BTAF1: variants seen among roughly 807,000 people sequenced by gnomAD.
BTAF1 encodes TATA-binding protein-associated factor 172.
A neutral mutation model predicts 227.1 loss-of-function variants in BTAF1; 38 were observed. The ratio of observed to expected loss-of-function variants is 0.17; its 90% CI spans 0.13 to 0.22. The LOEUF (loss-of-function observed/expected upper bound fraction) is 0.22, where lower values mean the gene tolerates loss of function less well. Ranked by LOEUF, BTAF1 falls within the 10% of genes least tolerant of loss-of-function variation. The pLI, the probability that BTAF1 is intolerant of heterozygous loss-of-function variation, is 1.00. For missense variants in BTAF1, 1,598 were observed against 2,204.0 expected (o/e 0.73, Z 5.51); for synonymous variants, 742 against 751.9 (o/e 0.99, Z 0.21).
At chr10:91,981,566 A>T (rs544387178) in intron 15 of BTAF1, 77 bp from the exon 16 acceptor site, 14 of 1,408,968 alleles carry the variant, frequency 9.9e-6, no homozygotes, top group Middle Eastern at 1.9e-4. Context: ...AAAAAACCTC[A>T]GTATTCCTAA....
intron 33 of BTAF1, among the ~76,000 whole-genome samples, chr10:92,016,838 A>C (rs1389387178): frequency 6.6e-6 from 1 of 152,216 alleles, no homozygotes; most frequent in East Asian, 1.9e-4. Context: ...GGAATAATAA[A>C]ATACGGATCT....
intron 6 of BTAF1, 41 bp downstream of exon 6, chr10:91,953,914 C>G: frequency 6.2e-7 from 1 of 1,605,976 alleles, no homozygotes; most frequent in Non-Finnish European, 8.5e-7. Flanking sequence ...AACAAGAGGG[C>G]TCTGTGGCTT....
intron 1 of BTAF1, among the ~76,000 whole-genome samples, chr10:91,929,964 A>G (rs1844163244): frequency 6.6e-6 from 1 of 152,218 alleles, no homozygotes; most frequent in Non-Finnish European, 1.5e-5. Flanking sequence ...AAAAAGTAGA[A>G]GAGGCATTAA....
At chr10:91,982,494 A>G (rs1848136323) in intron 17 of BTAF1, 93 bp from the exon 18 acceptor site, 1 of 1,431,048 alleles carries the variant, frequency 7.0e-7, no homozygotes, top group Non-Finnish European at 9.3e-7. Context: ...TTTTGCTTCA[A>G]GTAATTATAG....
intron 25 of BTAF1, among the ~76,000 whole-genome samples, chr10:92,003,975 G>A (rs1849717979): frequency 6.6e-6 from 1 of 151,672 alleles, no homozygotes; most frequent in Admixed American, 6.6e-5. Context: ...GTTTTAATTT[G>A]TGTTTCCCTG....
rs112721454 is a variant in BTAF1, at chr10:91,992,317, G to GTT, written c.3045+22_3045+23dup. The GTT allele has an allele frequency of 4.8e-3, 6,734 of 1,389,002 alleles. No homozygotes were observed. The highest frequency in any genetic ancestry group is 0.015 in the South Asian group (994 of 65,978). 86.0% of individuals were successfully genotyped at this position (1,389,002 alleles called of 1,614,324 possible). On this transcript the variant is annotated intron_variant, in intron 21 of 37. Coordinates refer to ENST00000265990, the MANE Select transcript of BTAF1 (RefSeq NM_003972.3). ...CTTGTTGAACTTGATGAGGTAAGTA[G>GTT]TTTTTTTTTTTTTTTAATGCTTTGA...
intron 6 of BTAF1, among the ~76,000 whole-genome samples, chr10:91,955,203 T>G (rs529381580): frequency 2.0e-5 from 3 of 152,340 alleles, no homozygotes; most frequent in Non-Finnish European, 2.9e-5. Flanking sequence ...TTCTACTGGT[T>G]TTTATTCATA....
chr10:91,976,899 A>G (rs1187828449), intron 14 of BTAF1, among the ~76,000 whole-genome samples: 2 of 152,196 alleles, frequency 1.3e-5, no homozygotes, highest in Non-Finnish European at 2.9e-5. Context: ...ATAATTAAAC[A>G]AGAATAACTT....
At chr10:91,953,225 G>A (rs893447951) in intron 5 of BTAF1, among the ~76,000 whole-genome samples, 5 of 152,194 alleles carry the variant, frequency 3.3e-5, no homozygotes, top group African/African-American at 1.2e-4. Context: ...AGACTTTATA[G>A]TGTCTTCTGT....
chr10:92,027,105 T>C (rs1343022387), intron 36 of BTAF1, 25 bp from the exon 37 acceptor site: 1 of 1,596,918 alleles, frequency 6.3e-7, no homozygotes, highest in Non-Finnish European at 8.5e-7. Context: ...TGTGTTACGG[T>C]TGCTTAACTG....
intron 23 of BTAF1, 33 bp from the exon 24 acceptor site, chr10:91,996,336 T>A (rs1341345031): frequency 6.3e-7 from 1 of 1,581,758 alleles, no homozygotes; most frequent in South Asian, 1.1e-5. Flanking sequence ...TATTTCCTAA[T>A]AATTCTAATT....
intron 14 of BTAF1, among the ~76,000 whole-genome samples, chr10:91,972,476 T>G (rs879312209): frequency 1.1e-4 from 16 of 152,172 alleles, no homozygotes; most frequent in African/African-American, 2.7e-4. Flanking sequence ...CGACAAAGCA[T>G]TTCCAACTTC....
intron 4 of BTAF1, among the ~76,000 whole-genome samples, chr10:91,946,440 G>T (rs1338431050): frequency 6.6e-6 from 1 of 152,178 alleles, no homozygotes. Context: ...ATTTCCCTCA[G>T]GTAGATACCT....
chr10:91,997,234 G>C, intron 24 of BTAF1: 1 of 989,362 alleles, frequency 1.0e-6, no homozygotes, highest in Non-Finnish European at 1.4e-6. Context: ...ATTAATCTTT[G>C]AGTGACACTC....
chr10:91,939,699 A>G (rs751118393), intron 2 of BTAF1, among the ~76,000 whole-genome samples: 2 of 152,158 alleles, frequency 1.3e-5, no homozygotes, highest in Non-Finnish European at 2.9e-5. Flanking sequence ...CGGTCTCCCA[A>G]AGTGCTGGGA....
intron 32 of BTAF1, 105 bp from the exon 33 acceptor site, chr10:92,016,235 A>G: frequency 1.5e-6 from 2 of 1,344,846 alleles, no homozygotes; most frequent in Non-Finnish European, 1.0e-6. Context: ...TTCATTAATG[A>G]GGGCTGATTT....
Position 91,935,428 on chromosome 10 carries a change from T to C in BTAF1, c.15-229T>C, listed in dbSNP as rs569526198. On this transcript the variant is annotated intron_variant, in intron 1 of 37. Transcript: ENST00000265990. Reference sequence around the variant, plus strand: ...CTTCCCAGCTGCTAGTAACCACTTATTCTACTCTTGACTTCTCTGAGATCG... The same window carrying C: ...CTTCCCAGCTGCTAGTAACCACTTACTCTACTCTTGACTTCTCTGAGATCG... Among the ~76,000 whole-genome samples, 4 of 152,338 alleles carry C rather than the reference T, an allele frequency of 2.6e-5. No individual in the cohort carries two copies. In the East Asian group the frequency reaches 5.8e-4, roughly 22 times the overall value.
In BTAF1 at chr10:92,028,811, G is replaced by A; in HGVS notation, c.5428G>A (p.Asp1810Asn). ...LDKDGKAEKA[D>N]TSTSGKASMK... ...TAAGGATGGCAAAGCAGAAAAAGCT[G>A]ACACCTCTACTTCTGGGAAAGCAAG... Residue 1810 changes from aspartate to asparagine, a missense_variant, in exon 38 of 38, where the codon GAC becomes AAC. Asp to Asn is a conservative substitution (Grantham distance 23). Coordinates refer to ENST00000265990, the MANE Select transcript of BTAF1 (RefSeq NM_003972.3). The A allele has an allele frequency of 6.3e-7, 1 of 1,592,214 alleles. No homozygotes were observed. The highest frequency in any genetic ancestry group is 8.5e-7 in the Non-Finnish European group (1 of 1,173,160).
intron 30 of BTAF1, among the ~76,000 whole-genome samples, chr10:92,011,681 ACT>A (rs1414216622): frequency 3.9e-5 from 6 of 152,262 alleles, no homozygotes; most frequent in African/African-American, 1.4e-4. Context: ...TAAAAATCAG[ACT>A]CTACTCCACA....
Sources: allele counts gnomAD v4.1 joint callset (sites outside exome capture counted in the v4.1 genomes callset), GRCh38; gene constraint gnomAD v4.1.1; transcripts MANE v1.5; gene names NCBI Gene and HGNC (gene_info 2026-07-23, HGNC 2026-07-21).